Variants in PARPBP observed in about 807,000 individuals in gnomAD.
PARPBP encodes PCNA-interacting partner.
A neutral mutation model predicts 50.0 loss-of-function variants in PARPBP; 52 were observed. That is an observed-to-expected ratio of 1.04 (90% CI 0.83 to 1.31). The LOEUF (loss-of-function observed/expected upper bound fraction) is 1.31. Among genes scored for constraint, PARPBP ranks in the 50% most tolerant of loss-of-function variants. The pLI, the probability that PARPBP is intolerant of heterozygous loss-of-function variation, is 0.00. For missense variants in PARPBP, 697 were observed against 672.0 expected, an observed-to-expected ratio of 1.04 and a Z score of -0.41; for synonymous variants, 244 against 232.1, an observed-to-expected ratio of 1.05 and a Z score of -0.47.
At chr12:102,169,012 G>A (rs1421931339) in intron 6 of PARPBP, among the ~76,000 whole-genome samples, 3 of 152,114 alleles carry the variant, frequency 2.0e-5, no homozygotes, top group Non-Finnish European at 4.4e-5. Context: ...CTCAATGAGA[G>A]TTTATTGGTT....
intron 4 of PARPBP, among the ~76,000 whole-genome samples, chr12:102,155,455 C>T (rs565776507): frequency 3.9e-5 from 6 of 152,016 alleles, no homozygotes; most frequent in African/African-American, 1.2e-4. Context: ...GGAAGGTGAC[C>T]GCATCCACCT....
intron 6 of PARPBP, among the ~76,000 whole-genome samples, chr12:102,168,518 T>A (rs11111192): frequency 0.19 from 28,203 of 152,136 alleles, 2,669 homozygotes; most frequent in Non-Finnish European, 0.21. Context: ...TTATTTTTGT[T>A]CTGCAGTAGG....
Position 102,122,527 on chromosome 12 carries a change from A to T in PARPBP, c.-3-1359A>T, listed in dbSNP as rs535702778. Among the ~76,000 whole-genome samples, 4 of 152,350 alleles carry T rather than the reference A, an allele frequency of 2.6e-5. No homozygotes were observed. In the South Asian group the frequency reaches 6.2e-4, roughly 24 times the overall value. On this transcript the variant is annotated intron_variant, in intron 1 of 10. Coordinates refer to ENST00000327680, the MANE Select transcript of PARPBP (RefSeq NM_017915.5). ...AAATACCCAAAATAAGATGATGGGC[A>T]TGTGAGTATGTTGAGACTTGAGTAC...
At chr12:102,149,857 A>C (rs1045765952) in intron 3 of PARPBP, among the ~76,000 whole-genome samples, 1 of 152,190 alleles carries the variant, frequency 6.6e-6, no homozygotes, top group Non-Finnish European at 1.5e-5. Flanking sequence ...TTCCTTAGCT[A>C]TATTTTATTT....
intron 1 of PARPBP, among the ~76,000 whole-genome samples, chr12:102,120,651 G>A (rs1239658392): frequency 6.6e-6 from 1 of 152,130 alleles, no homozygotes; most frequent in Non-Finnish European, 1.5e-5. Flanking sequence ...GCCTCCCAAG[G>A]AACCTTTGGG....
At chr12:102,142,043 G>T (rs1010747416) in intron 2 of PARPBP, among the ~76,000 whole-genome samples, 3 of 152,168 alleles carry the variant, frequency 2.0e-5, no homozygotes. Flanking sequence ...GCCCTGCTAG[G>T]TTGGGGAAGT....
Position 102,151,528 on chromosome 12 carries a change from G to C in PARPBP, c.388-2341G>C, listed in dbSNP as rs1297013456. ...AATGGGGTCCTTTGGGTGGGTCCCT[G>C]ATGCCTGCACACTTTTTAGGACCTT... On this transcript the variant is annotated intron_variant, in intron 3 of 10. Coordinates refer to ENST00000327680, the MANE Select transcript of PARPBP (RefSeq NM_017915.5). 6.3e-6 allele frequency: 9 copies of C among 1,436,390 alleles called. No homozygotes were observed. In the African/African-American group the frequency reaches 1.3e-4, roughly 20 times the overall value. The allele number at this position is 1,436,390 out of a possible 1,614,324, so 89.0% of individuals were successfully genotyped here.
At chr12:102,141,222 C>T (rs1884538597) in intron 2 of PARPBP, among the ~76,000 whole-genome samples, 1 of 152,078 alleles carries the variant, frequency 6.6e-6, no homozygotes, top group Admixed American at 6.6e-5. Context: ...GAATTGATCC[C>T]TTTACCATTA....
Position 102,123,991 on chromosome 12 carries a change from G to C in PARPBP, c.103G>C (p.Asp35His), listed in dbSNP as rs986915465. 2 of 1,534,998 alleles carry C rather than the reference G, an allele frequency of 1.3e-6. No homozygotes were observed. Among genetic ancestry groups the C allele is most frequent in the Non-Finnish European group, 1.7e-6 (2 of 1,145,912 alleles). ...NSERTTLCGA[D>H]SMLLALQLSM... is the part of the protein sequence containing the mutation. The stretch of plus-strand genomic sequence containing the variant: ...TGAGAGAACTACTCTATGTGGTGCA[G>C]ACTCCATGCTCTTGGCATTGCAGCT... Residue 35 changes from aspartate (D) to histidine (H), a missense_variant, in exon 2 of 11, where the codon GAC becomes CAC. Transcript: ENST00000327680.
intron 1 of PARPBP, among the ~76,000 whole-genome samples, chr12:102,122,704 G>A (rs776135352): frequency 6.6e-6 from 1 of 152,164 alleles, no homozygotes; most frequent in Non-Finnish European, 1.5e-5. Flanking sequence ...TACTTAACAT[G>A]ATGCTTTAAG....
At chr12:102,154,128 G>A (rs1755606056) in intron 4 of PARPBP, 152 bp downstream of exon 4, 1 of 510,840 alleles carries the variant, frequency 2.0e-6, no homozygotes, top group African/African-American at 1.9e-5. Context: ...ATAATACATT[G>A]GAGGCTGGTG....
chr12:102,153,811 G>C, intron 3 of PARPBP, 58 bp from the exon 4 acceptor site: 1 of 892,868 alleles, frequency 1.1e-6, no homozygotes, highest in Non-Finnish European at 1.9e-6. Flanking sequence ...AGCTTTATGT[G>C]AAGTATTTTT....
chr12:102,156,217 CCTT>C (rs1259368475), intron 4 of PARPBP, among the ~76,000 whole-genome samples: 2 of 109,634 alleles, frequency 1.8e-5, no homozygotes, highest in Admixed American at 1.3e-4. Context: ...GACGGTGTCT[CCTT>C]CTGTCACCCA....
At chr12:102,154,044 C>A in intron 4 of PARPBP, 68 bp downstream of exon 4, 1 of 953,152 alleles carries the variant, frequency 1.0e-6, no homozygotes. Context: ...TTTGGTGGTA[C>A]CTTAAAGTTA....
chr12:102,171,430 T>C (rs1335125944), intron 6 of PARPBP, among the ~76,000 whole-genome samples: 1 of 152,162 alleles, frequency 6.6e-6, no homozygotes, highest in Non-Finnish European at 1.5e-5. Flanking sequence ...GGGACTACCA[T>C]CATATATGTG....
rs183102242 is a variant in PARPBP, at chr12:102,196,431, A to G, written c.*140A>G. 12 of 726,452 alleles carry G rather than the reference A, an allele frequency of 1.7e-5. No homozygotes were observed. In the East Asian group the frequency reaches 3.1e-4, roughly 19 times the overall value. 45.0% of individuals were successfully genotyped at this position (726,452 alleles called of 1,614,324 possible). A position where few individuals can be genotyped will look rare whatever the true frequency, so the allele number is the denominator to read the frequency against. ...TGTATGTAAGGTTAGTATGTTAAGCATTGTTTAAAAATACTAGTAAGTCAT... is the reference window on the plus strand; with the variant it reads ...TGTATGTAAGGTTAGTATGTTAAGCGTTGTTTAAAAATACTAGTAAGTCAT... On this transcript the variant is annotated 3_prime_UTR_variant, in exon 11 of 11. Coordinates refer to ENST00000327680, the MANE Select transcript of PARPBP (RefSeq NM_017915.5).
chr12:102,155,497 T>G (rs1294770581), intron 4 of PARPBP, among the ~76,000 whole-genome samples: 3 of 145,030 alleles, frequency 2.1e-5, no homozygotes, highest in African/African-American at 7.7e-5. Flanking sequence ...TAGCTCACAC[T>G]CAACCAATCA....
chr12:102,138,223 C>A (rs991414611), intron 2 of PARPBP, among the ~76,000 whole-genome samples: 1 of 152,178 alleles, frequency 6.6e-6, no homozygotes. Context: ...GGTATCTCAT[C>A]GTGGTTTTGA....
intron 1 of PARPBP, among the ~76,000 whole-genome samples, chr12:102,122,467 A>C (rs550181779): frequency 3.6e-4 from 55 of 152,346 alleles, no homozygotes; most frequent in Middle Eastern, 3.4e-3. Context: ...AGAAAAGGAT[A>C]GCAGAAGGAG....
Sources: gnomAD v4.1 joint callset for allele counts (sites outside exome capture counted in the v4.1 genomes callset) on GRCh38, gnomAD v4.1.1 for gene constraint, MANE v1.5 for transcripts, NCBI Gene and HGNC (gene_info 2026-07-23, HGNC 2026-07-21) for gene names.